Variants in CAMK2D observed in about 807,000 individuals in gnomAD.
CAMK2D encodes calcium/calmodulin-dependent protein kinase type II subunit delta.
Under a neutral mutation model 84.0 loss-of-function variants are expected in CAMK2D, and 37 were observed. The ratio of observed to expected loss-of-function variants is 0.44; its 90% CI spans 0.34 to 0.58. The LOEUF is 0.58. Among genes scored for constraint, CAMK2D ranks in the 20% least tolerant of loss-of-function variants. The pLI, the probability that CAMK2D is intolerant of heterozygous loss-of-function variation, is 0.02. For missense variants in CAMK2D, 448 were observed against 652.5 expected (o/e 0.69, Z 3.41); for synonymous variants, 202 against 212.5 (o/e 0.95, Z 0.43).
chr4:113,535,887 T>C (rs2098486284), intron 7 of CAMK2D, among the ~76,000 whole-genome samples: 1 of 152,216 alleles, frequency 6.6e-6, no homozygotes, highest in Admixed American at 6.5e-5. Flanking sequence ...TAGTTATAGA[T>C]ACAAAAGCCT....
chr4:113,636,758 TCTC>T (rs750621900), intron 3 of CAMK2D, among the ~76,000 whole-genome samples: 103 of 152,184 alleles, frequency 6.8e-4, no homozygotes, highest in Non-Finnish European at 1.3e-3. Context: ...ATCTTCATGA[TCTC>T]CTCTAAATCT....
At chr4:113,617,943 A>G (rs2099028699) in intron 3 of CAMK2D, among the ~76,000 whole-genome samples, 1 of 152,092 alleles carries the variant, frequency 6.6e-6, no homozygotes, top group South Asian at 2.1e-4. Context: ...ACAGACACAC[A>G]CACATATATA....
At chr4:113,548,751 A>G in intron 5 of CAMK2D, 1 of 1,268,008 alleles carries the variant, frequency 7.9e-7, no homozygotes, top group South Asian at 1.2e-5. Context: ...CAAGGGCAGA[A>G]TGGAAGGGAG....
chr4:113,568,441 G>T lies in CAMK2D; in HGVS notation c.276-16345C>A, dbSNP rs139210952. ...TTTTTAAGCTGTGTAATATTGCATC[G>T]TATGTACAGGCTACAATTTGTTTAT... is the stretch of plus-strand genomic sequence containing the variant. On this transcript the variant is annotated intron_variant, in intron 4 of 20. Transcript: ENST00000511664. Among the ~76,000 whole-genome samples, 3 of 152,270 alleles carry T rather than the reference G, an allele frequency of 2.0e-5. No homozygotes were observed. In the East Asian group the frequency reaches 5.8e-4, roughly 29 times the overall value.
chr4:113,547,740 T>A, intron 5 of CAMK2D, 24 bp from the exon 6 acceptor site: 2 of 1,498,828 alleles, frequency 1.3e-6, no homozygotes, highest in South Asian at 1.2e-5. Context: ...CCAGGGGGCG[T>A]GTGTTAGTTC....
intron 6 of CAMK2D, among the ~76,000 whole-genome samples, chr4:113,542,714 C>CAAAAAAAAAAA (rs35129999): frequency 7.3e-6 from 1 of 136,564 alleles, no homozygotes; most frequent in Non-Finnish European, 1.6e-5. Flanking sequence ...GATTCCGTCT[C>CAAAAAAAAAAA]AAAAAAAAAA....
At chr4:113,503,033 C>CT (rs2098078296) in intron 14 of CAMK2D, 56 bp from the exon 15 acceptor site, 1 of 1,263,114 alleles carries the variant, frequency 7.9e-7, no homozygotes, top group Non-Finnish European at 1.2e-6. Context: ...TACATTCTTT[C>CT]TAGTGTGAAG....
rs551124777 is a variant in CAMK2D at position 113,754,182 on chromosome 4, A to G, written c.160+5138T>C. 5 of 947,018 alleles carry G rather than the reference A, an allele frequency of 5.3e-6. No individual in the cohort carries two copies. In the South Asian group the frequency reaches 2.4e-4, roughly 46 times the overall value. The allele number at this position is 947,018 out of a possible 1,614,324, so 58.7% of individuals were successfully genotyped here. ...TACTAGAAATACTATTGTAACTTAAAATCTTTAACACAGCCTCTATATAAT... is the reference window on the plus strand; with the variant it reads ...TACTAGAAATACTATTGTAACTTAAGATCTTTAACACAGCCTCTATATAAT... On this transcript the variant is annotated intron_variant, in intron 2 of 20. Coordinates refer to ENST00000511664, the MANE Select transcript of CAMK2D (RefSeq NM_001321571.2).
intron 4 of CAMK2D, among the ~76,000 whole-genome samples, chr4:113,585,802 T>A (rs987843111): frequency 6.6e-6 from 1 of 152,132 alleles, no homozygotes; most frequent in African/African-American, 2.4e-5. Context: ...AAAGCACTTT[T>A]TAAAAATGCA....
chr4:113,730,100 C>T (rs2099560595), intron 2 of CAMK2D, among the ~76,000 whole-genome samples: 1 of 152,158 alleles, frequency 6.6e-6, no homozygotes. Flanking sequence ...AAGACAGAAA[C>T]TCTTTTGTTC....
At chr4:113,680,058 A>C (rs2099336817) in intron 2 of CAMK2D, among the ~76,000 whole-genome samples, 1 of 152,126 alleles carries the variant, frequency 6.6e-6, no homozygotes, top group South Asian at 2.1e-4. Flanking sequence ...GTCCTTTTTC[A>C]CATTATTATT....
At chr4:113,732,186 C>G (rs374402166) in intron 2 of CAMK2D, among the ~76,000 whole-genome samples, 1 of 151,658 alleles carries the variant, frequency 6.6e-6, no homozygotes, top group Non-Finnish European at 1.5e-5. Context: ...TTCAGTGGTG[C>G]GATCATAGCT....
chr4:113,749,489 T>A (rs1203840270), intron 2 of CAMK2D, among the ~76,000 whole-genome samples: 1 of 152,226 alleles, frequency 6.6e-6, no homozygotes, highest in African/African-American at 2.4e-5. Context: ...ATAACATCCA[T>A]GATATGTATA....
intron 17 of CAMK2D, among the ~76,000 whole-genome samples, chr4:113,462,826 AT>A (rs2097405191): frequency 6.6e-6 from 1 of 151,680 alleles, no homozygotes; most frequent in Non-Finnish European, 1.5e-5. Flanking sequence ...ACTTTTTATC[AT>A]TCCACAAGGA....
chr4:113,628,658 G>A (rs73843443), intron 3 of CAMK2D, among the ~76,000 whole-genome samples: 7,543 of 152,068 alleles, frequency 0.05, 539 homozygotes, highest in African/African-American at 0.15. Flanking sequence ...GATGATGCAC[G>A]TAAATAAAAC....
intron 16 of CAMK2D, among the ~76,000 whole-genome samples, chr4:113,499,957 G>A (rs1294655073): frequency 6.6e-6 from 1 of 152,090 alleles, no homozygotes. Flanking sequence ...AGTGAATGGA[G>A]GTCAAGAATA....
intron 3 of CAMK2D, among the ~76,000 whole-genome samples, chr4:113,660,940 C>T (rs1418012303): frequency 6.6e-6 from 1 of 151,796 alleles, no homozygotes; most frequent in African/African-American, 2.4e-5. Context: ...GGACTACAGG[C>T]GCCCGCCACC....
At chr4:113,600,884 C>T (rs1388990340) in intron 4 of CAMK2D, among the ~76,000 whole-genome samples, 2 of 152,080 alleles carry the variant, frequency 1.3e-5, no homozygotes, top group Admixed American at 6.6e-5. Context: ...ATCCTCCTTC[C>T]CCGGCCTCCT....
chr4:113,603,521 G>C (rs1386480408), intron 4 of CAMK2D, among the ~76,000 whole-genome samples: 2 of 150,360 alleles, frequency 1.3e-5, no homozygotes, highest in Non-Finnish European at 3.0e-5. Flanking sequence ...CTCACTCATA[G>C]GTGGGAATTG....
Sources: allele counts gnomAD v4.1 joint callset (sites outside exome capture counted in the v4.1 genomes callset), GRCh38; gene constraint gnomAD v4.1.1; transcripts MANE v1.5; gene names NCBI Gene and HGNC (gene_info 2026-07-23, HGNC 2026-07-21).